Variants in CARMIL1 observed in about 807,000 individuals in gnomAD.
CARMIL1 encodes the protein capping protein regulator and myosin 1 linker 1.
A neutral mutation model predicts 177.1 loss-of-function variants in CARMIL1; 90 were observed. The observed-to-expected ratio is 0.51, with a 90% CI of 0.43 to 0.61. The LOEUF (loss-of-function observed/expected upper bound fraction) is 0.61, where lower values mean the gene tolerates loss of function less well. CARMIL1 is among the 20% of genes least tolerant of loss of function. CARMIL1 has a pLI of 0.00. For synonymous variants in CARMIL1, 577 were observed against 606.2 expected (o/e 0.95, Z 0.71); for missense variants, 1,380 against 1,667.0 (o/e 0.83, Z 3.00).
rs950755559 is a variant in CARMIL1 at position 25,441,312 on chromosome 6, C to G, written c.371+5708C>G. ...AAGACCACATCTCAAAACAAACAAA[C>G]AAACAAACATATATATATATATATA... On this transcript the variant is annotated intron_variant, in intron 5 of 36. Transcript: ENST00000329474. 2.0e-4 allele frequency among the ~76,000 whole-genome samples: 15 copies of G among 74,022 alleles called. No homozygotes were observed. In the South Asian group the frequency reaches 3.0e-3, roughly 15 times the overall value. 48.6% of individuals were successfully genotyped at this position (74,022 alleles called of 152,430 possible). A position where few individuals can be genotyped will look rare whatever the true frequency, so the allele number is the denominator to read the frequency against.
At chr6:25,437,893 C>A (rs186167912) in intron 5 of CARMIL1, among the ~76,000 whole-genome samples, 168 of 152,286 alleles carry the variant, frequency 1.1e-3, no homozygotes, top group African/African-American at 3.9e-3. Flanking sequence ...TTGCATCTTT[C>A]TAGTTAGTCT....
intron 7 of CARMIL1, 89 bp from the exon 8 acceptor site, chr6:25,450,549 C>A (rs1581987309): frequency 9.4e-7 from 1 of 1,063,342 alleles, no homozygotes; most frequent in Non-Finnish European, 1.4e-6. Flanking sequence ...TAAAAACCTG[C>A]CATTGTCATT....
chr6:25,427,575 T>G (rs1038040667), intron 4 of CARMIL1, among the ~76,000 whole-genome samples: 1 of 152,202 alleles, frequency 6.6e-6, no homozygotes, highest in African/African-American at 2.4e-5. Context: ...TGTAATTACC[T>G]AGGGGTAGAA....
rs1465394401 is a variant in CARMIL1 at position 25,609,629 on chromosome 6, T to TGCATAC, written c.3848-420_3848-415dup. ...CTACATATATGCATGCATGCATGCA[T>TGCATAC]GCATACACATACACACATATGTATA... On this transcript the variant is annotated intron_variant, in intron 35 of 36. Transcript: ENST00000329474. Among the ~76,000 whole-genome samples the TGCATAC allele has an allele frequency of 4.6e-5, 7 of 152,332 alleles. No homozygotes were observed. The South Asian group carries it at 6.2e-4, about 14-fold the overall frequency.
intron 3 of CARMIL1, among the ~76,000 whole-genome samples, chr6:25,422,609 T>A (rs1384059565): frequency 6.6e-6 from 1 of 152,228 alleles, no homozygotes; most frequent in Non-Finnish European, 1.5e-5. Flanking sequence ...GTCAATGAAG[T>A]TGGACTAAAC....
chr6:25,598,667 T>C lies in CARMIL1; in HGVS notation c.3120-1647T>C, dbSNP rs28612404. On this transcript the variant is annotated intron_variant, in intron 32 of 36. Transcript: ENST00000329474. Reference sequence around the variant, plus strand: ...TCAGTTGTATCTTCCAACCTTGAGTTTTCTACTTCTGCTATCACATTTTGC... The same window carrying C: ...TCAGTTGTATCTTCCAACCTTGAGTCTTCTACTTCTGCTATCACATTTTGC... 7.7e-3 allele frequency among the ~76,000 whole-genome samples: 1,166 copies of C among 152,308 alleles called. 9 individuals are homozygous for C. Among genetic ancestry groups the C allele is most frequent in the African/African-American group, 0.026 (1,092 of 41,564 alleles).
intron 29 of CARMIL1, 37 bp from the exon 30 acceptor site, chr6:25,580,887 A>T: frequency 6.8e-7 from 1 of 1,473,556 alleles, no homozygotes; most frequent in Non-Finnish European, 9.3e-7. Context: ...TTCTGTGGCT[A>T]CCTAAGTGTT....
rs1167312947 is a variant in CARMIL1, at chr6:25,293,547, AT to A, written c.138+8649del. Among the ~76,000 whole-genome samples, 157 of 147,482 alleles carry A rather than the reference AT, an allele frequency of 1.1e-3. 1 individual carries two copies. The highest frequency in any genetic ancestry group is 3.0e-3 in the African/African-American group (120 of 40,324). On this transcript the variant is annotated intron_variant, in intron 2 of 36. Coordinates refer to ENST00000329474, the MANE Select transcript of CARMIL1 (RefSeq NM_017640.6). ...CTACAATCACATGCCACCATGCCGA[AT>A]TTTTTTTTTTCCTAGAGATGGGGTC...
intron 2 of CARMIL1, among the ~76,000 whole-genome samples, chr6:25,332,941 AT>A (rs369871475): frequency 2.2e-4 from 33 of 152,314 alleles, no homozygotes; most frequent in African/African-American, 7.5e-4. Context: ...GGGGGTGGAC[AT>A]ATGACCCAAG....
Position 25,606,651 on chromosome 6 carries a change from G to A in CARMIL1, c.3847+378G>A, listed in dbSNP as rs1816001045. 2.6e-5 allele frequency among the ~76,000 whole-genome samples: 4 copies of A among 152,182 alleles called. No individual in the cohort carries two copies. In the South Asian group the frequency reaches 8.3e-4, roughly 32 times the overall value. ...ATTTTGAAAAGCAGCAGTTTAAGGA[G>A]GAAGGCTACAAATGGGGAAAGCACA... On this transcript the variant is annotated intron_variant, in intron 35 of 36. Transcript: ENST00000329474.
At chr6:25,524,885 A>G (rs1186420165) in intron 23 of CARMIL1, among the ~76,000 whole-genome samples, 1 of 152,326 alleles carries the variant, frequency 6.6e-6, no homozygotes, top group East Asian at 1.9e-4. Flanking sequence ...GGCTGAGGGA[A>G]GAATCATTGA....
At chr6:25,540,666 A>C (rs1484453930) in intron 26 of CARMIL1, among the ~76,000 whole-genome samples, 1 of 152,228 alleles carries the variant, frequency 6.6e-6, no homozygotes, top group Non-Finnish European at 1.5e-5. Flanking sequence ...AGTAACTTCA[A>C]GAAACAGCTA....
intron 29 of CARMIL1, among the ~76,000 whole-genome samples, chr6:25,572,016 A>T (rs1465563549): frequency 6.6e-6 from 1 of 152,196 alleles, no homozygotes; most frequent in Non-Finnish European, 1.5e-5. Context: ...GGGGAATTTG[A>T]ATATGGACTA....
intron 29 of CARMIL1, among the ~76,000 whole-genome samples, chr6:25,557,718 GA>G (rs1037223699): frequency 6.6e-6 from 1 of 152,112 alleles, no homozygotes; most frequent in African/African-American, 2.4e-5. Flanking sequence ...CCATTGTTAA[GA>G]AATAGTACTT....
chr6:25,378,858 C>T (rs1026508528), intron 2 of CARMIL1, among the ~76,000 whole-genome samples: 8 of 150,666 alleles, frequency 5.3e-5, no homozygotes, highest in Non-Finnish European at 8.8e-5. Flanking sequence ...GAGGCATGCT[C>T]ACAGTGCCTC....
intron 2 of CARMIL1, among the ~76,000 whole-genome samples, chr6:25,324,845 G>C (rs1414285570): frequency 5.3e-5 from 8 of 152,134 alleles, no homozygotes; most frequent in Admixed American, 5.2e-4. Context: ...TGAGGGCACA[G>C]GTGTGAATGT....
At chr6:25,470,316 T>G (rs947034809) in intron 9 of CARMIL1, among the ~76,000 whole-genome samples, 3 of 152,196 alleles carry the variant, frequency 2.0e-5, no homozygotes, top group African/African-American at 7.2e-5. Flanking sequence ...ATAATAATCT[T>G]TAATGGTTTT....
intron 2 of CARMIL1, among the ~76,000 whole-genome samples, chr6:25,372,471 A>G (rs1790514524): frequency 6.6e-6 from 1 of 152,032 alleles, no homozygotes; most frequent in Non-Finnish European, 1.5e-5. Flanking sequence ...CTTGTTAAGT[A>G]TATTTCTAGG....
intron 31 of CARMIL1, among the ~76,000 whole-genome samples, chr6:25,586,551 G>T: frequency 6.6e-6 from 1 of 151,832 alleles, no homozygotes. Context: ...CCCAGACGGG[G>T]TGGCGGCCAG....
Sources: allele counts gnomAD v4.1 joint callset (sites outside exome capture counted in the v4.1 genomes callset), GRCh38; gene constraint gnomAD v4.1.1; transcripts MANE v1.5; gene names NCBI Gene and HGNC (gene_info 2026-07-23, HGNC 2026-07-21).